Variants in AGBL4 observed in about 807,000 individuals in gnomAD.
The protein encoded by AGBL4 is AGBL carboxypeptidase 4, also known as cytosolic carboxypeptidase 6.
A neutral mutation model predicts 66.4 loss-of-function variants in AGBL4; 58 were observed. The ratio of observed to expected loss-of-function variants is 0.87; its 90% CI spans 0.71 to 1.09. AGBL4 has a LOEUF of 1.09. AGBL4 is among the 50% of genes least tolerant of loss of function. AGBL4 has a pLI of 0.00. For synonymous variants in AGBL4, 234 were observed against 222.9 expected, an observed-to-expected ratio of 1.05 and a Z score of -0.44; for missense variants, 579 against 631.0, an observed-to-expected ratio of 0.92 and a Z score of 0.88.
chr1:48,872,124 T>A (rs1313546474), intron 5 of AGBL4, among the ~76,000 whole-genome samples: 1 of 152,142 alleles, frequency 6.6e-6, no homozygotes, highest in Non-Finnish European at 1.5e-5. Context: ...AACCAAGAAC[T>A]GGGAATATTT....
chr1:48,794,774 T>C (rs1414966066), intron 6 of AGBL4, among the ~76,000 whole-genome samples: 1 of 152,202 alleles, frequency 6.6e-6, no homozygotes, highest in Non-Finnish European at 1.5e-5. Flanking sequence ...ACTGTAGGCC[T>C]TCTGGACTTT....
chr1:49,161,458 T>C (rs534547232), intron 4 of AGBL4, among the ~76,000 whole-genome samples: 127 of 152,198 alleles, frequency 8.3e-4, no homozygotes, highest in Non-Finnish European at 1.6e-3. Context: ...TCTGCATCAA[T>C]CTCACTGGGA....
At chr1:49,939,387 A>G (rs1654490633) in intron 1 of AGBL4, among the ~76,000 whole-genome samples, 1 of 152,234 alleles carries the variant, frequency 6.6e-6, no homozygotes. Flanking sequence ...ACGAGCCCAC[A>G]TTGCCAAGCC....
chr1:49,121,121 G>T (rs1438490043), intron 4 of AGBL4, among the ~76,000 whole-genome samples: 2 of 152,092 alleles, frequency 1.3e-5, no homozygotes, highest in Non-Finnish European at 2.9e-5. Context: ...CTATTTTCAA[G>T]GTTTTTAGCT....
chr1:48,821,727 T>G (rs776212507), intron 6 of AGBL4, among the ~76,000 whole-genome samples: 2 of 152,118 alleles, frequency 1.3e-5, no homozygotes, highest in Non-Finnish European at 2.9e-5. Flanking sequence ...AACCTGCACA[T>G]GTGCCCCTGA....
At chr1:49,718,203 C>T (rs149705852) in intron 2 of AGBL4, among the ~76,000 whole-genome samples, 166 of 152,098 alleles carry the variant, frequency 1.1e-3, no homozygotes, top group Non-Finnish European at 1.9e-3. Flanking sequence ...TTAGCATTAT[C>T]CCCTTGGTGA....
chr1:49,127,227 C>G (rs1345437484), intron 4 of AGBL4, among the ~76,000 whole-genome samples: 1 of 152,098 alleles, frequency 6.6e-6, no homozygotes, highest in Non-Finnish European at 1.5e-5. Context: ...AAGAGGGACC[C>G]AAGCATAGCT....
intron 4 of AGBL4, among the ~76,000 whole-genome samples, chr1:49,064,829 C>A (rs988720909): frequency 4.6e-5 from 7 of 152,256 alleles, no homozygotes; most frequent in Admixed American, 6.5e-5. Context: ...AACTAAAAAA[C>A]AAGCAGATTA....
At chr1:48,919,864 T>C (rs189603841) in intron 5 of AGBL4, among the ~76,000 whole-genome samples, 1 of 152,252 alleles carries the variant, frequency 6.6e-6, no homozygotes, top group African/African-American at 2.4e-5. Context: ...TCTCACTGGG[T>C]TGTATAAAAT....
At chr1:48,977,487 A>C (rs1659431580) in intron 5 of AGBL4, among the ~76,000 whole-genome samples, 1 of 152,156 alleles carries the variant, frequency 6.6e-6, no homozygotes, top group South Asian at 2.1e-4. Context: ...GTGAGAACAT[A>C]GACATCCGAG....
At chr1:48,781,253 G>T (rs1198684696) in intron 6 of AGBL4, among the ~76,000 whole-genome samples, 1 of 152,196 alleles carries the variant, frequency 6.6e-6, no homozygotes, top group East Asian at 1.9e-4. Context: ...TAGATCCACA[G>T]AATCGATTCT....
chr1:49,793,780 CAG>C (rs1263297709), intron 2 of AGBL4, among the ~76,000 whole-genome samples: 2 of 151,610 alleles, frequency 1.3e-5, no homozygotes, highest in Admixed American at 6.6e-5. Context: ...GATGATAAAA[CAG>C]AGAAAAGAGA....
At chr1:49,627,694 T>A (rs1430253362) in intron 3 of AGBL4, among the ~76,000 whole-genome samples, 1 of 152,216 alleles carries the variant, frequency 6.6e-6, no homozygotes, top group Non-Finnish European at 1.5e-5. Flanking sequence ...TATTTTTTGC[T>A]TTCAGCAACA....
intron 2 of AGBL4, among the ~76,000 whole-genome samples, chr1:49,749,212 C>T (rs1415488962): frequency 2.6e-5 from 4 of 152,006 alleles, no homozygotes; most frequent in South Asian, 2.1e-4. Flanking sequence ...GGTCCAGTTT[C>T]GTTTTCTGCA....
intron 11 of AGBL4, among the ~76,000 whole-genome samples, chr1:48,557,813 G>A (rs1208955716): frequency 6.6e-6 from 1 of 152,126 alleles, no homozygotes; most frequent in Admixed American, 6.5e-5. Context: ...CCTTTTGCCT[G>A]GAGAGAACAA....
chr1:49,921,820 G>C (rs553840225), intron 1 of AGBL4, among the ~76,000 whole-genome samples: 3 of 152,142 alleles, frequency 2.0e-5, no homozygotes. Flanking sequence ...TTGCTCTGGC[G>C]GCGCTGGCAG....
intron 5 of AGBL4, among the ~76,000 whole-genome samples, chr1:48,956,493 A>G (rs1425315563): frequency 6.6e-6 from 1 of 152,230 alleles, no homozygotes; most frequent in East Asian, 1.9e-4. Flanking sequence ...CTTTCTTTAA[A>G]AATTTTCCCA....
chr1:49,493,692 G>C (rs1647276632), intron 3 of AGBL4, among the ~76,000 whole-genome samples: 1 of 152,020 alleles, frequency 6.6e-6, no homozygotes, highest in African/African-American at 2.4e-5. Context: ...CTTCTCATAA[G>C]AACTTGTAGT....
intron 5 of AGBL4, among the ~76,000 whole-genome samples, chr1:49,015,670 C>T (rs574030948): frequency 2.0e-5 from 3 of 151,846 alleles, no homozygotes; most frequent in East Asian, 3.9e-4. Flanking sequence ...GTGATCCGCC[C>T]GCCTAGGCCT....
Sources: allele counts gnomAD v4.1 joint callset (sites outside exome capture counted in the v4.1 genomes callset), GRCh38; gene constraint gnomAD v4.1.1; transcripts MANE v1.5; gene names NCBI Gene and HGNC (gene_info 2026-07-23, HGNC 2026-07-21).